Variants in SLAMF9 observed in about 807,000 individuals in gnomAD.
SLAMF9 encodes SLAM family member 9, also known as CD2 family member 10.
In SLAMF9, 25 loss-of-function variants were observed where a neutral mutation model predicts 30.4. That is an observed-to-expected ratio of 0.82 (90% CI 0.60 to 1.15). The LOEUF is 1.15. Ranked by LOEUF, SLAMF9 falls within the 50% of genes most tolerant of loss-of-function variation. The pLI, the probability that SLAMF9 is intolerant of heterozygous loss-of-function variation, is 0.00. For synonymous variants in SLAMF9, 129 were observed against 127.2 expected (o/e 1.01, Z -0.09); for missense variants, 344 against 346.1 (o/e 0.99, Z 0.05).
chr1:159,976,464 T>C, the SLAMF9 span, among the ~76,000 whole-genome samples: 12 of 152,106 alleles, frequency 7.9e-5, no homozygotes, highest in Non-Finnish European at 1.5e-4. Context: ...ATAAAATGTT[T>C]AGAATGTAAG....
chr1:159,974,086 C>T, the SLAMF9 span: 6 of 1,545,104 alleles, frequency 3.9e-6, no homozygotes, highest in East Asian at 1.1e-4. Context: ...AGGAACAGGG[C>T]AGCCCTGGAG....
chr1:159,979,793 C>A, the SLAMF9 span, among the ~76,000 whole-genome samples: 2 of 151,822 alleles, frequency 1.3e-5, no homozygotes, highest in African/African-American at 4.8e-5. Flanking sequence ...GGACAAAACA[C>A]GTATGGAGAC....
chr1:159,978,325 G>A, the SLAMF9 span, among the ~76,000 whole-genome samples: 1 of 152,158 alleles, frequency 6.6e-6, no homozygotes, highest in Non-Finnish European at 1.5e-5. Flanking sequence ...CCTTGACTTT[G>A]GGGTTGTTAG....
At chr1:159,975,252 G>A in the SLAMF9 span, among the ~76,000 whole-genome samples, 2 of 152,158 alleles carry the variant, frequency 1.3e-5, no homozygotes, top group African/African-American at 4.8e-5. Context: ...TTATAGTGTA[G>A]AAAGCGAAAA....
chr1:159,983,433 C>A, the SLAMF9 span: 2 of 152,186 alleles, frequency 1.3e-5, no homozygotes, highest in Non-Finnish European at 2.9e-5. Flanking sequence ...AAAGGGTCCT[C>A]AAGTTGCCAA....
the SLAMF9 span, among the ~76,000 whole-genome samples, chr1:159,974,979 A>C: frequency 6.6e-6 from 1 of 152,074 alleles, no homozygotes; most frequent in Non-Finnish European, 1.5e-5. Context: ...GGGTGTTCAA[A>C]CCTGGTTTCT....
chr1:159,973,215 G>T, the SLAMF9 span: 3 of 1,281,668 alleles, frequency 2.3e-6, no homozygotes, highest in Non-Finnish European at 3.4e-6. Flanking sequence ...ACATCTCAGG[G>T]TAACCAGGCT....
intron 2 of SLAMF9, among the ~76,000 whole-genome samples, chr1:159,952,842 G>A (rs2789418): frequency 0.89 from 135,144 of 152,170 alleles, 60,254 homozygotes; most frequent in East Asian, 1. Context: ...AAATATTATC[G>A]CCCCTCTCAG....
At chr1:159,959,273 T>G in the SLAMF9 span, among the ~76,000 whole-genome samples, 1 of 152,138 alleles carries the variant, frequency 6.6e-6, no homozygotes, top group Non-Finnish European at 1.5e-5. Flanking sequence ...TAAGTTTCTC[T>G]CTTACCACTG....
chr1:159,957,109 G>A (rs139236888), upstream of SLAMF9, among the ~76,000 whole-genome samples: 417 of 101,354 alleles, frequency 4.1e-3, 9 homozygotes, highest in East Asian at 0.074. Flanking sequence ...GAGACAGAGC[G>A]AGACTCTGTC....
the SLAMF9 span, among the ~76,000 whole-genome samples, chr1:159,976,104 T>A: frequency 6.6e-6 from 1 of 151,936 alleles, no homozygotes; most frequent in Non-Finnish European, 1.5e-5. Flanking sequence ...TGTGTGTGTG[T>A]GTGTGTGTGT....
the SLAMF9 span, chr1:159,978,967 G>A: frequency 6.6e-6 from 1 of 152,192 alleles, no homozygotes; most frequent in Non-Finnish European, 1.5e-5. Context: ...TGAAAATAAA[G>A]ATTGTTTTTG....
chr1:159,956,677 A>G (rs1651928442), upstream of SLAMF9, among the ~76,000 whole-genome samples: 1 of 152,148 alleles, frequency 6.6e-6, no homozygotes, highest in Admixed American at 6.5e-5. Context: ...GCAAAGCAAA[A>G]CAAAACAAAA....
At chr1:159,962,600 A>G in the SLAMF9 span, among the ~76,000 whole-genome samples, 1 of 151,970 alleles carries the variant, frequency 6.6e-6, no homozygotes, top group African/African-American at 2.4e-5. Context: ...CTGACCTTGG[A>G]TTACAAGATG....
chr1:159,960,637 T>G, the SLAMF9 span, among the ~76,000 whole-genome samples: 3 of 152,180 alleles, frequency 2.0e-5, no homozygotes, highest in East Asian at 5.8e-4. Context: ...GGCTAATTTT[T>G]GTAGAGACGG....
chr1:159,966,402 G>T, the SLAMF9 span, among the ~76,000 whole-genome samples: 1 of 152,238 alleles, frequency 6.6e-6, no homozygotes, highest in East Asian at 1.9e-4. Flanking sequence ...TGTACATAAT[G>T]CTATAATAAA....
At chr1:159,952,182 G>T in intron 3 of SLAMF9, 80 bp downstream of exon 3, 1 of 1,527,184 alleles carries the variant, frequency 6.5e-7, no homozygotes, top group South Asian at 1.2e-5. Context: ...GGGCTCTCTT[G>T]GGAAGAGCTG....
the SLAMF9 span, among the ~76,000 whole-genome samples, chr1:159,959,513 A>G: frequency 8.6e-5 from 13 of 152,032 alleles, no homozygotes; most frequent in South Asian, 2.1e-4. Flanking sequence ...GGCAGATCCT[A>G]GGATCTACAA....
intron 3 of SLAMF9, 127 bp downstream of exon 3, chr1:159,952,135 A>C (rs1348261090): frequency 3.5e-6 from 4 of 1,128,064 alleles, no homozygotes; most frequent in Non-Finnish European, 5.1e-6. Flanking sequence ...TCCAGGTGTC[A>C]AGCCTCCATG....
Sources: gnomAD v4.1 joint callset for allele counts (sites outside exome capture counted in the v4.1 genomes callset) on GRCh38, gnomAD v4.1.1 for gene constraint, MANE v1.5 for transcripts, NCBI Gene and HGNC (gene_info 2026-07-23, HGNC 2026-07-21) for gene names.